Variants in VIRMA observed in about 807,000 individuals in gnomAD.
The protein encoded by VIRMA is vir like m6A methyltransferase associated.
VIRMA carries 65 observed loss-of-function variants against 182.4 expected under a neutral mutation model. That is an observed-to-expected ratio of 0.36 (90% CI 0.29 to 0.44). VIRMA has a LOEUF of 0.44. Among genes scored for constraint, VIRMA ranks in the 20% least tolerant of loss-of-function variants. VIRMA has a pLI of 1.00. For missense variants in VIRMA, 1,752 were observed against 2,158.1 expected, an observed-to-expected ratio of 0.81 and a Z score of 3.73; for synonymous variants, 709 against 743.1, an observed-to-expected ratio of 0.95 and a Z score of 0.75.
chr8:94,491,687 T>C lies in VIRMA; in HGVS notation c.5031A>G (p.Pro1677=). 7 of 1,614,186 alleles carry C rather than the reference T, an allele frequency of 4.3e-6. No individual in the cohort carries two copies. Among genetic ancestry groups the C allele is most frequent in the Non-Finnish European group, 5.9e-6 (7 of 1,180,030 alleles). The change falls in exon 22 of 24, where the codon CCA becomes CCG. Residue 1677 remains proline, a synonymous_variant. Coordinates refer to ENST00000297591, the MANE Select transcript of VIRMA (RefSeq NM_015496.5). ...AAGAAATCTTCTGTGATACTTTGAG[T>C]GGCCGTTTTGGTGGAGGTATTCCAT... ...PQDGIPPPKR[P]LKVSQKISSR...
chr8:94,515,261 C>T (rs549643235), intron 10 of VIRMA, among the ~76,000 whole-genome samples: 1 of 151,642 alleles, frequency 6.6e-6, no homozygotes, highest in Admixed American at 6.6e-5. Flanking sequence ...CACACCTGGC[C>T]GATTTTTGTA....
chr8:94,510,031 C>T lies in VIRMA; in HGVS notation c.3627-91G>A, dbSNP rs193289734. 1.4e-3 allele frequency: 1,638 copies of T among 1,192,448 alleles called. 26 individuals are homozygous for T. In the African/African-American group the frequency reaches 0.023, roughly 17 times the overall value. The allele number at this position is 1,192,448 out of a possible 1,614,324, so 73.9% of individuals were successfully genotyped here. ...TTATTTCTCAATACACATCAACTTACACAAATTTTGCATAAAACATTTAAT... is the reference window on the plus strand; with the variant it reads ...TTATTTCTCAATACACATCAACTTATACAAATTTTGCATAAAACATTTAAT... On this transcript the variant is annotated intron_variant, in intron 14 of 23. Transcript: ENST00000297591.
At chr8:94,532,774 G>A (rs973776858) in intron 5 of VIRMA, among the ~76,000 whole-genome samples, 1 of 152,044 alleles carries the variant, frequency 6.6e-6, no homozygotes, top group Admixed American at 6.6e-5. Flanking sequence ...AGACTAGTTT[G>A]GGCAACATAG....
At chr8:94,516,379 CACAAAT>C (rs1340009037) in intron 10 of VIRMA, among the ~76,000 whole-genome samples, 1 of 152,052 alleles carries the variant, frequency 6.6e-6, no homozygotes, top group African/African-American at 2.4e-5. Flanking sequence ...ATAGAATAAA[CACAAAT>C]ACAATCTGCC....
At chr8:94,551,715 C>A (rs1815992993) in intron 1 of VIRMA, among the ~76,000 whole-genome samples, 1 of 152,176 alleles carries the variant, frequency 6.6e-6, no homozygotes, top group South Asian at 2.1e-4. Context: ...GCCTCTTTCT[C>A]TTTTTCCTTT....
intron 10 of VIRMA, among the ~76,000 whole-genome samples, chr8:94,517,337 G>A (rs533821872): frequency 6.6e-6 from 1 of 152,222 alleles, no homozygotes; most frequent in Non-Finnish European, 1.5e-5. Context: ...CGAGTAGCTG[G>A]AACCACAGGC....
chr8:94,487,749 G>A lies in VIRMA; in HGVS notation c.*957C>T, dbSNP rs989454718. On this transcript the variant is annotated 3_prime_UTR_variant, in exon 24 of 24. Transcript: ENST00000297591. ...TTATATAGACTCAGTGTGTTAAGAC[G>A]TATCTTGGGGAAAATATGGCTACTT... 9 of 152,230 alleles carry A rather than the reference G, an allele frequency of 5.9e-5. No individual in the cohort carries two copies. In the South Asian group the frequency reaches 8.3e-4, roughly 14 times the overall value. 9.4% of individuals were successfully genotyped at this position (152,230 alleles called of 1,614,324 possible).
chr8:94,506,664 C>G lies in VIRMA; in HGVS notation c.3933G>C (p.Glu1311Asp). 1 of 1,613,824 alleles carries G rather than the reference C, an allele frequency of 6.2e-7. No individual in the cohort carries two copies. The highest frequency in any genetic ancestry group is 1.1e-5 in the South Asian group (1 of 91,070). Residue 1311 changes from glutamate to aspartate, a missense_variant, in exon 16 of 24, where the codon GAG becomes GAC. This residue lies in a region of VIRMA where 777 missense variants were observed against 920.6 expected (regional missense o/e 0.84). Transcript: ENST00000297591. ...SSSEGSISEL[E>D]QLSNSLPNKE... is the part of the protein sequence containing the mutation. ...TATTTGGTAGAGAATTGGAGAGCTGCTCCAGTTCAGAAATAGAACCTTCAG... is the reference window on the plus strand; with the variant it reads ...TATTTGGTAGAGAATTGGAGAGCTGGTCCAGTTCAGAAATAGAACCTTCAG...
chr8:94,539,453 A>T (rs1323010272), intron 2 of VIRMA, among the ~76,000 whole-genome samples: 1 of 152,206 alleles, frequency 6.6e-6, no homozygotes, highest in African/African-American at 2.4e-5. Flanking sequence ...TATGTAAAAG[A>T]TACTATACCA....
chr8:94,507,986 T>G (rs1274498054), intron 15 of VIRMA, among the ~76,000 whole-genome samples: 2 of 149,888 alleles, frequency 1.3e-5, no homozygotes, highest in African/African-American at 4.9e-5. Context: ...TGTATATATG[T>G]GTATATATAT....
chr8:94,502,815 T>C (rs1182806786), intron 16 of VIRMA, among the ~76,000 whole-genome samples: 1 of 152,090 alleles, frequency 6.6e-6, no homozygotes, highest in Non-Finnish European at 1.5e-5. Flanking sequence ...ACCGGAACGT[T>C]CTGCACATGT....
chr8:94,517,690 G>C (rs2130324981), intron 10 of VIRMA, 98 bp downstream of exon 10: 1 of 732,576 alleles, frequency 1.4e-6, no homozygotes, highest in South Asian at 2.9e-5. Flanking sequence ...AGTATTACTA[G>C]GTATATTATC....
intron 5 of VIRMA, 137 bp from the exon 6 acceptor site, chr8:94,531,222 G>A: frequency 1.0e-6 from 1 of 976,918 alleles, no homozygotes; most frequent in Admixed American, 3.8e-5. Flanking sequence ...GTATTTGAGG[G>A]ATGCAAAATC....
At chr8:94,544,777 T>C (rs1035796619) in intron 1 of VIRMA, among the ~76,000 whole-genome samples, 33 of 152,088 alleles carry the variant, frequency 2.2e-4, no homozygotes, top group Non-Finnish European at 3.7e-4. Flanking sequence ...GGTGTAAGTT[T>C]TTTGCCATTT....
rs1383501618 is a variant in VIRMA at position 94,538,118 on chromosome 8, T to G, written c.266+142A>C. The G allele has an allele frequency of 9.5e-6, 6 of 634,524 alleles. No homozygotes were observed. In the East Asian group the frequency reaches 1.6e-4, roughly 17 times the overall value. The allele number at this position is 634,524 out of a possible 1,614,324, so 39.3% of individuals were successfully genotyped here. The stretch of plus-strand genomic sequence containing the variant: ...ATCTCCTTAGGAGTTTGACATTTCT[T>G]TAATACCACCATGACACAATTAAAC... On this transcript the variant is annotated intron_variant, in intron 3 of 23. Coordinates refer to ENST00000297591, the MANE Select transcript of VIRMA (RefSeq NM_015496.5).
intron 6 of VIRMA, among the ~76,000 whole-genome samples, chr8:94,530,496 CA>C (rs35685716): frequency 4.6e-3 from 359 of 78,890 alleles, no homozygotes; most frequent in Admixed American, 5.4e-3. Context: ...AAACCTGTCT[CA>C]AAAAAAAAAA....
In VIRMA at chr8:94,496,430, T is replaced by C. The variant is rs183217637; in HGVS notation, c.4281A>G (p.Thr1427=). ...CAGCATTAATACTCATCGTCCGTGATGTATGAGCTCCCTCTACTTCCATGA... is the reference window on the plus strand; with the variant it reads ...CAGCATTAATACTCATCGTCCGTGACGTATGAGCTCCCTCTACTTCCATGA... ...NGLMEVEGAH[T]SRTMSINAAE... is the part of the protein sequence containing the mutation. The change falls in exon 18 of 24, where the codon ACA becomes ACG. Residue 1427 remains threonine (T), a synonymous_variant. Coordinates refer to ENST00000297591, the MANE Select transcript of VIRMA (RefSeq NM_015496.5). The C allele has an allele frequency of 1.8e-5, 29 of 1,613,438 alleles. No individual in the cohort carries two copies. The East Asian group carries it at 6.5e-4, about 36-fold the overall frequency.
At position 94,517,919 on chromosome 8, in the gene VIRMA, A is replaced by G; in HGVS notation, c.2537T>C (p.Val846Ala). 1 of 1,612,390 alleles carries G rather than the reference A, an allele frequency of 6.2e-7. No individual in the cohort carries two copies. The highest frequency in any genetic ancestry group is 1.1e-5 in the South Asian group (1 of 90,804). The change falls in exon 10 of 24, where the codon GTA (valine) becomes GCA (alanine). Residue 846 changes from valine to alanine, a missense_variant. Coordinates refer to ENST00000297591, the MANE Select transcript of VIRMA (RefSeq NM_015496.5). ...ALGDSKSKKSVAYNYACILIL... is the reference protein window; with the variant it reads ...ALGDSKSKKSAAYNYACILIL... The stretch of plus-strand genomic sequence containing the variant: ...AAGTATGCATGCGTAATTATAAGCT[A>G]CTGACTTCTTAGATTTGGAATCACT...
chr8:94,549,421 TG>T (rs1172949807), intron 1 of VIRMA, among the ~76,000 whole-genome samples: 1 of 152,184 alleles, frequency 6.6e-6, no homozygotes, highest in Non-Finnish European at 1.5e-5. Context: ...CATAAATAAT[TG>T]TTAAACAGAT....
Sources: gnomAD v4.1 joint callset for allele counts (sites outside exome capture counted in the v4.1 genomes callset) on GRCh38, gnomAD v4.1.1 for gene constraint, gnomAD v4.1.1 regional missense constraint, MANE v1.5 for transcripts, NCBI Gene and HGNC (gene_info 2026-07-23, HGNC 2026-07-21) for gene names.